CLN8: variants seen among roughly 807,000 people sequenced by gnomAD.
The protein encoded by CLN8 is CLN8 transmembrane ER and ERGIC protein.
A neutral mutation model predicts 15.7 loss-of-function variants in CLN8; 14 were observed. The ratio of observed to expected loss-of-function variants is 0.89; its 90% CI spans 0.59 to 1.39. CLN8 has a LOEUF of 1.39. CLN8 is among the 40% of genes most tolerant of loss of function. The probability of loss-of-function intolerance (pLI) is 0.00; values close to 1 mark genes in which losing one functional copy is unlikely to be tolerated. For missense variants in CLN8, 415 were observed against 364.0 expected (o/e 1.14, Z -1.14); for synonymous variants, 188 against 151.0 (o/e 1.25, Z -1.80).
At chr8:1,758,822 C>G (rs1233071933), upstream of CLN8, 1 of 152,038 alleles carries the variant, frequency 6.6e-6, no homozygotes, top group African/African-American at 2.4e-5. Context: ...GTTGTGGAGA[C>G]CAAGGTTTTT....
chr8:1,760,865 A>G (rs1390995167), upstream of CLN8, among the ~76,000 whole-genome samples: 2 of 152,188 alleles, frequency 1.3e-5, no homozygotes, highest in Non-Finnish European at 2.9e-5. Flanking sequence ...TCTTTGTTTC[A>G]AAGGCATCTT....
chr8:1,766,371 G>T (rs1474025604), intron 1 of CLN8, among the ~76,000 whole-genome samples: 3 of 149,438 alleles, frequency 2.0e-5, no homozygotes, highest in Admixed American at 1.3e-4. Context: ...AGTCCATTAG[G>T]TTCGGCCTCC....
chr8:1,760,183 CTG>C (rs998589578), upstream of CLN8: 243 of 152,112 alleles, frequency 1.6e-3, 1 homozygote, highest in African/African-American at 5.7e-3. Flanking sequence ...TCACTGAACA[CTG>C]TTTTTTTTCT....
At chr8:1,760,927 G>A (rs1457288094), upstream of CLN8, among the ~76,000 whole-genome samples, 2 of 151,588 alleles carry the variant, frequency 1.3e-5, no homozygotes, top group African/African-American at 4.8e-5. Context: ...CTGGCAGTGT[G>A]ACAAGATCTA....
intron 2 of CLN8, among the ~76,000 whole-genome samples, chr8:1,775,997 G>T (rs1801497312): frequency 6.6e-6 from 1 of 152,168 alleles, no homozygotes; most frequent in African/African-American, 2.4e-5. Flanking sequence ...AATCTGTGAG[G>T]GGCACACGTG....
chr8:1,772,005 G>T (rs1175319150), intron 2 of CLN8, among the ~76,000 whole-genome samples: 1 of 151,696 alleles, frequency 6.6e-6, no homozygotes, highest in African/African-American at 2.4e-5. Context: ...GCATGGTTTC[G>T]GCTCACTGCA....
Position 1,771,452 on chromosome 8 carries a change from T to G in CLN8, c.398T>G (p.Leu133Trp), listed in dbSNP as rs554042394. 1.9e-6 allele frequency: 3 copies of G among 1,614,238 alleles called. No homozygotes were observed. The highest frequency in any genetic ancestry group is 1.7e-5 in the Admixed American group (1 of 60,024). Residue 133 changes from leucine to tryptophan, a missense_variant, in exon 2 of 3, where the codon TTG (leucine) becomes TGG (tryptophan). Physicochemically the swap from Leu to Trp is moderately conservative, Grantham distance 61 (BLOSUM62 -2). Coordinates refer to ENST00000331222, the MANE Select transcript of CLN8 (RefSeq NM_018941.4). ...LSNLIFRTFD[L>W]FLVIHHLFAF... ...AACTTGATCTTCCGGACATTTGACT[T>G]GTTTCTGGTTATCCACCATCTCTTT...
chr8:1,778,955 G>GC (rs1198753031), intron 2 of CLN8, among the ~76,000 whole-genome samples: 1 of 152,142 alleles, frequency 6.6e-6, no homozygotes, highest in Non-Finnish European at 1.5e-5. Flanking sequence ...CCTTTAACAT[G>GC]CCCAGAAGAC....
rs1338424477 is a variant in CLN8 at position 1,785,678 on chromosome 8, G to A, written c.*5111G>A. ...ATTACGGTGACACAGGCGGCGTGGG[G>A]TTAGACAGGTACCGGTCAGATTACG... On this transcript the variant is annotated 3_prime_UTR_variant, in exon 3 of 3. Coordinates refer to ENST00000331222, the MANE Select transcript of CLN8 (RefSeq NM_018941.4). The A allele has an allele frequency of 8.1e-6, 1 of 123,898 alleles. No individual in the cohort carries two copies. The highest frequency in any genetic ancestry group is 1.7e-5 in the Non-Finnish European group (1 of 57,928). 7.7% of individuals were successfully genotyped at this position (123,898 alleles called of 1,614,324 possible). A position where few individuals can be genotyped will look rare whatever the true frequency, so the allele number is the denominator to read the frequency against.
In CLN8 at chr8:1,784,272, G is replaced by T; in HGVS notation, c.*3705G>T. ...TGCACTCCAGCCTGGGTGACACAGT[G>T]AGACTCCATCTCAAAAAAAAAAAAA... On this transcript the variant is annotated 3_prime_UTR_variant, in exon 3 of 3. Transcript: ENST00000331222. 6.6e-6 allele frequency: 1 copy of T among 152,110 alleles called. No homozygotes were observed. Among genetic ancestry groups the T allele is most frequent in the Non-Finnish European group, 1.5e-5 (1 of 68,640 alleles). The allele number at this position is 152,110 out of a possible 1,614,324, so 9.4% of individuals were successfully genotyped here.
chr8:1,755,119 T>G (rs1800638311), upstream of CLN8, among the ~76,000 whole-genome samples: 1 of 152,158 alleles, frequency 6.6e-6, no homozygotes, highest in Admixed American at 6.5e-5. Flanking sequence ...AATCAAGACG[T>G]TCGTCATTCC....
Position 1,786,493 on chromosome 8 carries a change from G to A in CLN8, c.*5926G>A, listed in dbSNP as rs1801833182. The A allele has an allele frequency of 6.6e-6, 1 of 152,082 alleles. No individual in the cohort carries two copies. Among genetic ancestry groups the A allele is most frequent in the Non-Finnish European group, 1.5e-5 (1 of 68,016 alleles). The allele number at this position is 152,082 out of a possible 1,614,324, so 9.4% of individuals were successfully genotyped here. On this transcript the variant is annotated 3_prime_UTR_variant, in exon 3 of 3. Transcript: ENST00000331222. The stretch of plus-strand genomic sequence containing the variant: ...AGTAACAAAATGTACTTCACTCTTA[G>A]TAAAATGTATTTACTATTTTAGTAA...
In CLN8 at chr8:1,783,660, T is replaced by C. The variant is rs1202359686; in HGVS notation, c.*3093T>C. On this transcript the variant is annotated 3_prime_UTR_variant, in exon 3 of 3. Transcript: ENST00000331222. ...CTTCTGCCCTTCTCGGTGTCCAGGCTCCTTGGGTGATGCTGGAGTTGTCAT... is the reference window on the plus strand; with the variant it reads ...CTTCTGCCCTTCTCGGTGTCCAGGCCCCTTGGGTGATGCTGGAGTTGTCAT... The C allele has an allele frequency of 6.6e-6, 1 of 152,194 alleles. No homozygotes were observed. Among genetic ancestry groups the C allele is most frequent in the East Asian group, 1.9e-4 (1 of 5,198 alleles). 9.4% of individuals were successfully genotyped at this position (152,194 alleles called of 1,614,324 possible).
chr8:1,778,782 C>CT (rs1463799765), intron 2 of CLN8, among the ~76,000 whole-genome samples: 1 of 152,188 alleles, frequency 6.6e-6, no homozygotes, highest in African/African-American at 2.4e-5. Flanking sequence ...TTCCGCTGGC[C>CT]TTTCTCTTCT....
chr8:1,761,427 C>G (rs6558532), upstream of CLN8, among the ~76,000 whole-genome samples: 101,908 of 152,058 alleles, frequency 0.67, 34,510 homozygotes, highest in South Asian at 0.77. Context: ...AGGGTTCAAG[C>G]AATTCTCCTG....
chr8:1,762,779 C>A (rs1351740490), upstream of CLN8: 4 of 152,208 alleles, frequency 2.6e-5, no homozygotes, highest in Non-Finnish European at 5.9e-5. Flanking sequence ...CCGACTATAC[C>A]CTCAGCTCCA....
rs1275466911 is a variant in CLN8, at chr8:1,782,152, T to C, written c.*1585T>C. On this transcript the variant is annotated 3_prime_UTR_variant, in exon 3 of 3. Coordinates refer to ENST00000331222, the MANE Select transcript of CLN8 (RefSeq NM_018941.4). The stretch of plus-strand genomic sequence containing the variant: ...GTTTTGTTTTTGTTTAGTTTTTGTT[T>C]TCGTTTTTTTGAGACGGAGCCTGGC... The C allele has an allele frequency of 6.6e-6, 1 of 152,196 alleles. No homozygotes were observed. The highest frequency in any genetic ancestry group is 2.4e-5 in the African/African-American group (1 of 41,448). The allele number at this position is 152,196 out of a possible 1,614,324, so 9.4% of individuals were successfully genotyped here.
intron 1 of CLN8, among the ~76,000 whole-genome samples, chr8:1,769,075 CTG>C (rs1801197527): frequency 6.6e-6 from 1 of 152,180 alleles, no homozygotes; most frequent in South Asian, 2.1e-4. Context: ...AGTACCAGTG[CTG>C]TCTTTCCCCA....
At chr8:1,765,406 C>T (rs1414295004) in intron 1 of CLN8, among the ~76,000 whole-genome samples, 1 of 152,146 alleles carries the variant, frequency 6.6e-6, no homozygotes, top group Non-Finnish European at 1.5e-5. Context: ...GTGCTTGGAG[C>T]TGTGTAAGAG....
Sources: gnomAD v4.1 joint callset for allele counts (sites outside exome capture counted in the v4.1 genomes callset) on GRCh38, gnomAD v4.1.1 for gene constraint, MANE v1.5 for transcripts, NCBI Gene and HGNC (gene_info 2026-07-23, HGNC 2026-07-21) for gene names.